Variants in CEACAM3 observed in about 807,000 individuals in gnomAD.
The protein encoded by CEACAM3 is CEA cell adhesion molecule 3.
A neutral mutation model predicts 30.1 loss-of-function variants in CEACAM3; 32 were observed. That is an observed-to-expected ratio of 1.06 (90% confidence interval 0.80 to 1.43). The LOEUF (loss-of-function observed/expected upper bound fraction) is 1.43, where lower values mean the gene tolerates loss of function less well. CEACAM3 is among the 40% of genes most tolerant of loss of function. The pLI is 0.00. For synonymous variants in CEACAM3, 134 were observed against 127.2 expected, an observed-to-expected ratio of 1.05 and a Z score of -0.36; for missense variants, 290 against 316.3, an observed-to-expected ratio of 0.92 and a Z score of 0.63.
At chr19:41,804,953 A>G (rs2073186495) in intron 2 of CEACAM3, among the ~76,000 whole-genome samples, 1 of 152,182 alleles carries the variant, frequency 6.6e-6, no homozygotes, top group Non-Finnish European at 1.5e-5. Flanking sequence ...AATCCAAAAT[A>G]CAAAATGTGC....
At chr19:41,811,019 C>A in intron 6 of CEACAM3, 122 bp downstream of exon 6, 2 of 1,262,140 alleles carry the variant, frequency 1.6e-6, no homozygotes, top group Non-Finnish European at 2.3e-6. Context: ...ACGGGGGTGG[C>A]GAGCAGAGGA....
At position 41,811,294 on chromosome 19, in the gene CEACAM3, T is replaced by C; in HGVS notation, c.*57T>C. Reference sequence around the variant, plus strand: ...GGAGAGTCCCCAAGGCCCCCAGCCCTGGGGATGGGGAAGGACATGAAGCCT... The same window carrying C: ...GGAGAGTCCCCAAGGCCCCCAGCCCCGGGGATGGGGAAGGACATGAAGCCT... On this transcript the variant is annotated 3_prime_UTR_variant, in exon 7 of 7. Transcript: ENST00000357396. 7 of 1,425,360 alleles carry C rather than the reference T, an allele frequency of 4.9e-6. No individual in the cohort carries two copies. The highest frequency in any genetic ancestry group is 6.9e-6 in the Non-Finnish European group (7 of 1,010,914). The allele number at this position is 1,425,360 out of a possible 1,614,324, so 88.3% of individuals were successfully genotyped here. A position where few individuals can be genotyped will look rare whatever the true frequency, so the allele number is the denominator to read the frequency against.
chr19:41,805,025 T>C (rs1164005939), intron 2 of CEACAM3, among the ~76,000 whole-genome samples: 1 of 152,124 alleles, frequency 6.6e-6, no homozygotes, highest in Non-Finnish European at 1.5e-5. Flanking sequence ...CTGGAGCATT[T>C]TGAAATTTTA....
intron 4 of CEACAM3, 21 bp downstream of exon 4, chr19:41,810,038 G>C (rs782402500): frequency 2.6e-5 from 42 of 1,611,880 alleles, no homozygotes; most frequent in Non-Finnish European, 3.4e-5. Flanking sequence ...TCTCAGCCCA[G>C]GTGTGGCTGG....
intron 2 of CEACAM3, among the ~76,000 whole-genome samples, chr19:41,803,839 G>T (rs1249455081): frequency 2.0e-5 from 3 of 152,186 alleles, no homozygotes; most frequent in South Asian, 4.1e-4. Context: ...CTGCACTTTG[G>T]GAGGCTGAGG....
At chr19:41,800,574 C>T (rs2073137925) in intron 2 of CEACAM3, among the ~76,000 whole-genome samples, 1 of 152,184 alleles carries the variant, frequency 6.6e-6, no homozygotes. Context: ...CCTTCACGTT[C>T]CATCCTGTAC....
chr19:41,804,448 G>A (rs1278554735), intron 2 of CEACAM3, among the ~76,000 whole-genome samples: 11 of 152,178 alleles, frequency 7.2e-5, no homozygotes, highest in African/African-American at 2.7e-4. Flanking sequence ...TCATATGCCT[G>A]TTTAGGCCCC....
At chr19:41,809,870 C>T in intron 3 of CEACAM3, 95 bp from the exon 4 acceptor site, 4 of 1,246,960 alleles carry the variant, frequency 3.2e-6, no homozygotes, top group Non-Finnish European at 4.7e-6. Flanking sequence ...CCATGCCCAT[C>T]CTTGAAAATG....
chr19:41,797,345 G>A (rs1363384373), intron 1 of CEACAM3: 1 of 523,244 alleles, frequency 1.9e-6, no homozygotes, highest in Non-Finnish European at 3.4e-6. Context: ...GCCCTGATGT[G>A]AGCAGGATCT....
chr19:41,799,993 G>A (rs1363689047), intron 2 of CEACAM3, among the ~76,000 whole-genome samples: 2 of 152,114 alleles, frequency 1.3e-5, no homozygotes, highest in African/African-American at 4.8e-5. Context: ...GTTTGTGGGC[G>A]GCAGGTCACC....
intron 2 of CEACAM3, chr19:41,807,412 C>T (rs2073212305): frequency 9.1e-6 from 8 of 877,986 alleles, no homozygotes; most frequent in Non-Finnish European, 1.2e-5. Context: ...CCTCTGTGGC[C>T]CAGGCTTCCA....
Position 41,808,883 on chromosome 19 carries a change from G to A in CEACAM3, c.495G>A (p.Ala165=), listed in dbSNP as rs61747599. ...GIVTGVLVGV[A]LVAALVCFLL... The stretch of plus-strand genomic sequence containing the variant: ...TGACCGGGGTCCTGGTCGGAGTGGC[G>A]CTGGTGGCCGCGCTGGTGTGTTTCC... The change falls in exon 3 of 7, where the codon GCG becomes GCA. Residue 165 remains alanine, a synonymous_variant. Transcript: ENST00000357396. The A allele has an allele frequency of 8.6e-5, 139 of 1,608,716 alleles. No homozygotes were observed. The African/African-American group carries it at 1.4e-3, about 16-fold the overall frequency.
chr19:41,809,161 T>G, intron 3 of CEACAM3: 1 of 205,832 alleles, frequency 4.9e-6, no homozygotes, highest in Admixed American at 6.0e-5. Flanking sequence ...CCCCTGAGTG[T>G]GGCCCTAGTT....
intron 3 of CEACAM3, chr19:41,809,730 T>C (rs910832374): frequency 4.2e-6 from 2 of 474,796 alleles, no homozygotes; most frequent in Non-Finnish European, 7.7e-6. Flanking sequence ...TGGGTCAATG[T>C]TCTCCTGGCC....
intron 4 of CEACAM3, 145 bp from the exon 5 acceptor site, chr19:41,810,178 C>T: frequency 7.8e-7 from 1 of 1,283,866 alleles, no homozygotes. Context: ...CTTGGGTCAG[C>T]CCTCACCTGT....
chr19:41,803,982 G>A (rs2073178061), intron 2 of CEACAM3, among the ~76,000 whole-genome samples: 1 of 151,970 alleles, frequency 6.6e-6, no homozygotes, highest in South Asian at 2.1e-4. Context: ...TCAGGAGGCT[G>A]AGGCAAGAGA....
chr19:41,811,434 G>A lies in CEACAM3; in HGVS notation c.*197G>A. 6.8e-6 allele frequency: 4 copies of A among 587,542 alleles called. No individual in the cohort carries two copies. The South Asian group carries it at 8.1e-5, about 12-fold the overall frequency. The allele number at this position is 587,542 out of a possible 1,614,324, so 36.4% of individuals were successfully genotyped here. On this transcript the variant is annotated 3_prime_UTR_variant, in exon 7 of 7. Transcript: ENST00000357396. Reference sequence around the variant, plus strand: ...CGACAGCCTGCCCTAGGCCCTGGGTGGGTCAGGACAAAGGCCTCTCATCAC... The same window carrying A: ...CGACAGCCTGCCCTAGGCCCTGGGTAGGTCAGGACAAAGGCCTCTCATCAC...
chr19:41,808,745 C>A, intron 2 of CEACAM3, 68 bp from the exon 3 acceptor site: 3 of 1,289,290 alleles, frequency 2.3e-6, no homozygotes, highest in Non-Finnish European at 3.4e-6. Context: ...ACCTTCCCTG[C>A]AAGGCCCCTG....
intron 2 of CEACAM3, among the ~76,000 whole-genome samples, chr19:41,806,408 A>G (rs1431114491): frequency 2.0e-5 from 3 of 152,096 alleles, no homozygotes; most frequent in African/African-American, 7.2e-5. Context: ...TCACCTTGTA[A>G]TTCTGAGACC....
Sources: gnomAD v4.1 joint callset for allele counts (sites outside exome capture counted in the v4.1 genomes callset) on GRCh38, gnomAD v4.1.1 for gene constraint, MANE v1.5 for transcripts, NCBI Gene and HGNC (gene_info 2026-07-23, HGNC 2026-07-21) for gene names.